The following R3HCC1 variants were observed in gnomAD, a reference collection of about 807,000 sequenced individuals.
R3HCC1 encodes R3H domain and coiled-coil containing 1, also known as R3H and coiled-coil domain-containing protein 1.
R3HCC1 carries 32 observed loss-of-function variants against 40.0 expected under a neutral mutation model. The observed-to-expected ratio is 0.80, with a 90% confidence interval of 0.60 to 1.07. The LOEUF (loss-of-function observed/expected upper bound fraction) is 1.07. R3HCC1 is among the 50% of genes least tolerant of loss of function. The pLI is 0.00. For synonymous variants in R3HCC1, 237 were observed against 232.8 expected (o/e 1.02, Z -0.17); for missense variants, 586 against 563.3 (o/e 1.04, Z -0.41).
Position 23,294,997 on chromosome 8 carries a change from C to G in R3HCC1, c.1192+133C>G. The stretch of plus-strand genomic sequence containing the variant: ...TCTGTTAATTCTTCCCGCTTGACTT[C>G]TCTGCTCTTAGGGAGCCCTGGGCTG... On this transcript the variant is annotated intron_variant, in intron 7 of 7. Coordinates refer to ENST00000265806, the MANE Select transcript of R3HCC1 (RefSeq NM_001136108.3). 14 of 723,272 alleles carry G rather than the reference C, an allele frequency of 1.9e-5. No individual in the cohort carries two copies. The South Asian group carries it at 2.1e-4, about 11-fold the overall frequency. The allele number at this position is 723,272 out of a possible 1,614,324, so 44.8% of individuals were successfully genotyped here.
chr8:23,291,840 T>G (rs950210065), intron 5 of R3HCC1, among the ~76,000 whole-genome samples: 2 of 152,192 alleles, frequency 1.3e-5, no homozygotes, highest in Non-Finnish European at 2.9e-5. Flanking sequence ...CATGGCAGCC[T>G]CCTCTTCTCC....
chr8:23,288,680 G>T, intron 2 of R3HCC1, 47 bp downstream of exon 2: 1 of 1,528,222 alleles, frequency 6.5e-7, no homozygotes, highest in South Asian at 1.2e-5. Context: ...GGGAAGGGCA[G>T]GGTTCCCGAG....
rs1802907432 is a variant in R3HCC1, at chr8:23,293,211, G to A, written c.1026-92G>A. 2.4e-5 allele frequency: 24 copies of A among 1,013,328 alleles called. No individual in the cohort carries two copies. The East Asian group carries it at 5.9e-4, about 25-fold the overall frequency. The allele number at this position is 1,013,328 out of a possible 1,614,324, so 62.8% of individuals were successfully genotyped here. ...CTTGCCTCAGGCTGGTGGCATCTGCGGGCTGGAGGCGAGGGGGTGTGGCTG... is the reference window on the plus strand; with the variant it reads ...CTTGCCTCAGGCTGGTGGCATCTGCAGGCTGGAGGCGAGGGGGTGTGGCTG... On this transcript the variant is annotated intron_variant, in intron 5 of 7. Transcript: ENST00000265806.
chr8:23,296,089 C>T lies in R3HCC1; in HGVS notation c.1315C>T (p.Pro439Ser), dbSNP rs1409985645. 6.5e-7 allele frequency: 1 copy of T among 1,549,678 alleles called. No homozygotes were observed. The change falls in exon 8 of 8, where the codon CCG (proline) becomes TCG (serine). Residue 439 changes from proline to serine, a missense_variant. Pro to Ser is a moderately conservative substitution (Grantham distance 74). Transcript: ENST00000265806. ...GCGGCCTGCTGTCCGGGGTCCGCTG[C>T]CGCCCTGAGGCCTGGAGACCCAACT...
chr8:23,289,936 C>T lies in R3HCC1; in HGVS notation c.319C>T (p.Pro107Ser). 4 of 1,536,124 alleles carry T rather than the reference C, an allele frequency of 2.6e-6. No homozygotes were observed. Among genetic ancestry groups the T allele is most frequent in the Non-Finnish European group, 3.5e-6 (4 of 1,146,882 alleles). The change falls in exon 4 of 8, where the codon CCT becomes TCT. Residue 107 changes from proline to serine, a missense_variant. By Grantham distance (74) the Pro-to-Ser change is moderately conservative (BLOSUM62 -1). Transcript: ENST00000265806. ...CTCCTGCCCCAGCAGGTACCACGGT[C>T]CTCGGCCCATCTCCAACCAAGGAGC...
intron 5 of R3HCC1, among the ~76,000 whole-genome samples, chr8:23,292,986 C>T (rs527845501): frequency 3.3e-5 from 5 of 152,344 alleles, no homozygotes; most frequent in African/African-American, 1.2e-4. Flanking sequence ...CTTGGCTGGG[C>T]TGAGACAGGC....
rs1802845751 is a variant in R3HCC1 at position 23,290,562 on chromosome 8, A to AG, written c.852+97dup. 1.9e-5 allele frequency: 26 copies of AG among 1,394,320 alleles called. No homozygotes were observed. In the South Asian group the frequency reaches 3.8e-4, roughly 21 times the overall value. The allele number at this position is 1,394,320 out of a possible 1,614,324, so 86.4% of individuals were successfully genotyped here. A position where few individuals can be genotyped will look rare whatever the true frequency, so the allele number is the denominator to read the frequency against. ...GACCAAGGGTTATGGTGTGGAGAGC[A>AG]GGGGATGTGCAAGGGGAGGTAGGGC... On this transcript the variant is annotated intron_variant, in intron 4 of 7. Transcript: ENST00000265806.
At chr8:23,289,823 G>A (rs1802819719) in intron 3 of R3HCC1, 43 bp from the exon 4 acceptor site, 2 of 1,446,374 alleles carry the variant, frequency 1.4e-6, no homozygotes, top group Non-Finnish European at 1.8e-6. Flanking sequence ...TTTTCCTTTG[G>A]GCCCCTACAC....
chr8:23,289,029 C>A lies in R3HCC1; in HGVS notation c.124C>A (p.Pro42Thr). 1 of 1,536,592 alleles carries A rather than the reference C, an allele frequency of 6.5e-7. No homozygotes were observed. The highest frequency in any genetic ancestry group is 8.7e-7 in the Non-Finnish European group (1 of 1,146,992). The change falls in exon 3 of 8, where the codon CCC becomes ACC. Residue 42 changes from proline to threonine, a missense_variant. Physicochemically the swap from Pro to Thr is conservative, Grantham distance 38 (BLOSUM62 -1). Coordinates refer to ENST00000265806, the MANE Select transcript of R3HCC1 (RefSeq NM_001136108.3). ...CTCCCTCCCCAGGGTTCTTCTTTTC[C>A]CCCCACTCTCCAGTCGCCTCCGGTA...
rs1802954725 is a variant in R3HCC1, at chr8:23,294,784, C to T, written c.1112C>T (p.Thr371Ile). The change falls in exon 7 of 8, where the codon ACC (threonine) becomes ATC (isoleucine). Residue 371 changes from threonine to isoleucine, a missense_variant. Physicochemically the swap from Thr to Ile is moderately conservative, Grantham distance 89. Transcript: ENST00000265806. ...CTTTCCACAGCTGCGGAAGCCCTGACCCGGGAGTTCTCGGTGCTCAAGATC... is the reference window on the plus strand; with the variant it reads ...CTTTCCACAGCTGCGGAAGCCCTGATCCGGGAGTTCTCGGTGCTCAAGATC... 8 of 1,551,096 alleles carry T rather than the reference C, an allele frequency of 5.2e-6. No homozygotes were observed. Among genetic ancestry groups the T allele is most frequent in the African/African-American group, 1.4e-5 (1 of 72,954 alleles).
intron 7 of R3HCC1, among the ~76,000 whole-genome samples, chr8:23,295,280 T>C (rs1802979441): frequency 6.6e-6 from 1 of 152,142 alleles, no homozygotes; most frequent in Non-Finnish European, 1.5e-5. Context: ...CTTCAGTTGG[T>C]CTCAGTGACA....
chr8:23,293,093 A>G (rs765617638), intron 5 of R3HCC1, among the ~76,000 whole-genome samples: 16 of 152,142 alleles, frequency 1.1e-4, no homozygotes, highest in Non-Finnish European at 2.1e-4. Context: ...CCTGACATTG[A>G]CAGGAGTGAC....
At chr8:23,288,275 G>A (rs1300172227) in intron 1 of R3HCC1, 118 bp downstream of exon 1, 3 of 1,131,524 alleles carry the variant, frequency 2.7e-6, no homozygotes, top group African/African-American at 3.2e-5. Flanking sequence ...CGCAGCGCAG[G>A]GTGTGGAGCC....
Position 23,293,386 on chromosome 8 carries a change from C to T in R3HCC1, c.1096+13C>T, listed in dbSNP as rs1729890067. The stretch of plus-strand genomic sequence containing the variant: ...TGCCTGGCCTCAGGTAAGGCACCCC[C>T]AGTGGGCCCAGCCCTTGCTCGGATC... On this transcript the variant is annotated intron_variant, in intron 6 of 7. Coordinates refer to ENST00000265806, the MANE Select transcript of R3HCC1 (RefSeq NM_001136108.3). The T allele has an allele frequency of 1.9e-6, 3 of 1,546,300 alleles. No individual in the cohort carries two copies. Among genetic ancestry groups the T allele is most frequent in the Admixed American group, 3.9e-5 (2 of 50,986 alleles).
At chr8:23,289,329 T>TA (rs1244940777) in intron 3 of R3HCC1, among the ~76,000 whole-genome samples, 176 bp downstream of exon 3, 1 of 152,232 alleles carries the variant, frequency 6.6e-6, no homozygotes, top group Non-Finnish European at 1.5e-5. Flanking sequence ...GTGGAGCAGA[T>TA]ATGCAGTTTG....
chr8:23,295,253 A>G (rs931320512), intron 7 of R3HCC1, among the ~76,000 whole-genome samples: 5 of 152,094 alleles, frequency 3.3e-5, no homozygotes, highest in African/African-American at 7.2e-5. Context: ...GGGACCCCCA[A>G]ATGGCTCTGT....
chr8:23,294,835 A>G lies in R3HCC1; in HGVS notation c.1163A>G (p.Gln388Arg), dbSNP rs1402495764. 1 of 1,551,440 alleles carries G rather than the reference A, an allele frequency of 6.4e-7. No individual in the cohort carries two copies. The highest frequency in any genetic ancestry group is 2.4e-5 in the East Asian group (1 of 40,904). Residue 388 changes from glutamine to arginine, a missense_variant, in exon 7 of 8, where the codon CAG becomes CGG. Physicochemically the swap from Gln to Arg is conservative, Grantham distance 43. Transcript: ENST00000265806. ...CGGCCCCTCACACAGGGAACCAAGCAGTCAAAGCTCAAAGCCTTGCAGAGG... is the reference window on the plus strand; with the variant it reads ...CGGCCCCTCACACAGGGAACCAAGCGGTCAAAGCTCAAAGCCTTGCAGAGG...
chr8:23,288,279 T>G, intron 1 of R3HCC1, 122 bp downstream of exon 1: 2 of 1,119,368 alleles, frequency 1.8e-6, no homozygotes, highest in East Asian at 6.8e-5. Context: ...GCGCAGGGTG[T>G]GGAGCCACCC....
At position 23,288,117 on chromosome 8, in the gene R3HCC1, T is replaced by A. The variant is rs749521974; in HGVS notation, c.-59T>A. The A allele has an allele frequency of 3.2e-6, 4 of 1,263,268 alleles. No homozygotes were observed. Among genetic ancestry groups the A allele is most frequent in the Non-Finnish European group, 4.1e-6 (4 of 977,120 alleles). 78.3% of individuals were successfully genotyped at this position (1,263,268 alleles called of 1,614,324 possible). ...TAGGGCGCTCGGGCGCGCTGGCCCC[T>A]GGGGACGCCGAGGGCGGCTGCGACG... On this transcript the variant is annotated 5_prime_UTR_variant, in exon 1 of 8. Transcript: ENST00000265806.
Sources: gnomAD v4.1 joint callset for allele counts (sites outside exome capture counted in the v4.1 genomes callset) on GRCh38, gnomAD v4.1.1 for gene constraint, MANE v1.5 for transcripts, NCBI Gene and HGNC (gene_info 2026-07-23, HGNC 2026-07-21) for gene names.